MYLK3: variants seen among roughly 807,000 people sequenced by gnomAD.
The protein encoded by MYLK3 is myosin light chain kinase 3.
Under a neutral mutation model 76.3 loss-of-function variants are expected in MYLK3, and 55 were observed. The observed-to-expected ratio is 0.72, with a 90% confidence interval of 0.58 to 0.90. The LOEUF (loss-of-function observed/expected upper bound fraction) is 0.90. MYLK3 is among the 40% of genes least tolerant of loss of function. The pLI is 0.00. For synonymous variants in MYLK3, 416 were observed against 425.4 expected (o/e 0.98, Z 0.27); for missense variants, 973 against 1,053.6 (o/e 0.92, Z 1.06).
Position 46,712,737 on chromosome 16 carries a change from A to G in MYLK3, c.2025T>C (p.Thr675=). ...PREKLKVNFG[T]PEFLAPEVVN... ...CGACTTCTGGGGCCAGGAACTCAGG[A>G]GTGCCGAAGTTCACCTTCAGCTTCT... The change falls in exon 10 of 13, where the codon ACT becomes ACC. Residue 675 remains threonine (T), a synonymous_variant. Transcript: ENST00000394809. 6.3e-7 allele frequency: 1 copy of G among 1,599,358 alleles called. No individual in the cohort carries two copies. The highest frequency in any genetic ancestry group is 1.1e-5 in the South Asian group (1 of 89,188).
chr16:46,755,549 C>T (rs188886286), intron 1 of MYLK3, among the ~76,000 whole-genome samples: 2 of 151,952 alleles, frequency 1.3e-5, no homozygotes, highest in Non-Finnish European at 2.9e-5. Flanking sequence ...GGAACCCTCC[C>T]GGGGGAAAAA....
At chr16:46,722,446 CAGA>C (rs1966808781) in intron 8 of MYLK3, among the ~76,000 whole-genome samples, 1 of 152,152 alleles carries the variant, frequency 6.6e-6, no homozygotes, top group Non-Finnish European at 1.5e-5. Flanking sequence ...TTTCTCCCAA[CAGA>C]AGTTTTCATT....
intron 11 of MYLK3, among the ~76,000 whole-genome samples, chr16:46,709,931 G>C (rs1966666275): frequency 6.6e-6 from 1 of 152,182 alleles, no homozygotes; most frequent in Non-Finnish European, 1.5e-5. Flanking sequence ...TTCCCAGAGG[G>C]GGCTGAGAAG....
upstream of MYLK3, among the ~76,000 whole-genome samples, chr16:46,749,898 A>G (rs1359305066): frequency 1.3e-5 from 2 of 152,176 alleles, no homozygotes; most frequent in Non-Finnish European, 2.9e-5. Flanking sequence ...GAGAAATCCA[A>G]ACCCATTCCT....
At chr16:46,755,537 C>A (rs1360205530) in intron 1 of MYLK3, among the ~76,000 whole-genome samples, 1 of 151,290 alleles carries the variant, frequency 6.6e-6, no homozygotes, top group Middle Eastern at 3.2e-3. Flanking sequence ...GAGTGTTCAA[C>A]AGGAACCCTC....
intron 9 of MYLK3, among the ~76,000 whole-genome samples, chr16:46,714,482 G>T (rs562031637): frequency 5.9e-5 from 9 of 152,184 alleles, no homozygotes; most frequent in East Asian, 1.9e-4. Flanking sequence ...ACTGGGCCTC[G>T]GGGGGCAAGC....
At chr16:46,760,052 G>C (rs1967256397) in intron 1 of MYLK3, among the ~76,000 whole-genome samples, 1 of 152,210 alleles carries the variant, frequency 6.6e-6, no homozygotes, top group Non-Finnish European at 1.5e-5. Flanking sequence ...GCTTAAGTTG[G>C]AACCAGGACA....
At chr16:46,757,590 A>G in intron 1 of MYLK3, 1 of 985,426 alleles carries the variant, frequency 1.0e-6, no homozygotes, top group Non-Finnish European at 1.2e-6. Flanking sequence ...AGCGCTGGGA[A>G]TGAGGTGGGC....
rs1321061058 is a variant in MYLK3, at chr16:46,758,411, C to T, written c.-114+4629G>A. Among the ~76,000 whole-genome samples, 15 of 152,288 alleles carry T rather than the reference C, an allele frequency of 9.8e-5. No homozygotes were observed. In the East Asian group the frequency reaches 1.5e-3, roughly 16 times the overall value. On this transcript the variant is annotated intron_variant, in intron 1 of 11. Transcript: ENST00000536476. ...AGAGACAGGGCTGTCGGCTTCTGTA[C>T]GCACTCACAGCCCCTGCGCTGAGCG...
At chr16:46,739,943 A>G in intron 2 of MYLK3, 114 bp downstream of exon 2, 1 of 745,944 alleles carries the variant, frequency 1.3e-6, no homozygotes, top group Non-Finnish European at 2.2e-6. Context: ...AAACAAGAAA[A>G]AAAGAAGCTT....
At chr16:46,759,949 A>G (rs1182661943) in intron 1 of MYLK3, among the ~76,000 whole-genome samples, 1 of 152,204 alleles carries the variant, frequency 6.6e-6, no homozygotes, top group Non-Finnish European at 1.5e-5. Context: ...CACATGCTCT[A>G]ATCTCACTGA....
intron 1 of MYLK3, among the ~76,000 whole-genome samples, chr16:46,754,406 T>C (rs1337594097): frequency 6.6e-6 from 1 of 152,184 alleles, no homozygotes; most frequent in African/African-American, 2.4e-5. Flanking sequence ...AGGTAAGGCC[T>C]TTAAGAAGCA....
intron 1 of MYLK3, among the ~76,000 whole-genome samples, chr16:46,754,994 T>C (rs1299553381): frequency 1.3e-5 from 2 of 151,880 alleles, no homozygotes; most frequent in African/African-American, 4.8e-5. Flanking sequence ...CCTCCTGGAC[T>C]CAAGCAGTCT....
chr16:46,751,386 G>A (rs2143017664), upstream of MYLK3, among the ~76,000 whole-genome samples: 1 of 152,098 alleles, frequency 6.6e-6, no homozygotes, highest in East Asian at 1.9e-4. Flanking sequence ...CAGCCTGGGT[G>A]ACAGAGCAAG....
upstream of MYLK3, among the ~76,000 whole-genome samples, chr16:46,749,803 A>G (rs1306559112): frequency 1.3e-5 from 2 of 152,228 alleles, no homozygotes; most frequent in Non-Finnish European, 2.9e-5. Context: ...CTATCAATGC[A>G]GTGAGCTTGC....
chr16:46,735,567 C>T (rs1021265224), intron 3 of MYLK3, among the ~76,000 whole-genome samples: 4 of 152,166 alleles, frequency 2.6e-5, no homozygotes, highest in African/African-American at 4.8e-5. Context: ...CTGAAGGCCC[C>T]GTCCCCGTGT....
At chr16:46,728,962 T>C in intron 7 of MYLK3, 62 bp downstream of exon 7, 1 of 1,243,542 alleles carries the variant, frequency 8.0e-7, no homozygotes, top group South Asian at 1.2e-5. Flanking sequence ...GAATGAAGGC[T>C]CTAAGCCCCA....
intron 8 of MYLK3, chr16:46,725,908 C>G (rs1031449361): frequency 6.6e-6 from 1 of 152,188 alleles, no homozygotes; most frequent in Non-Finnish European, 1.5e-5. Flanking sequence ...CTTGCCTAAG[C>G]CAATGTCTAG....
Position 46,722,357 on chromosome 16 carries a change from C to T in MYLK3, c.1915-1164G>A, listed in dbSNP as rs557584097. ...GGAGTAATAACCTCTTCCTGTCTGT[C>T]CCCCCAGAGGGTGTGAGGATAAAAT... On this transcript the variant is annotated intron_variant, in intron 8 of 12. Coordinates refer to ENST00000394809, the MANE Select transcript of MYLK3 (RefSeq NM_182493.3). Among the ~76,000 whole-genome samples the T allele has an allele frequency of 2.7e-5, 4 of 149,106 alleles. No homozygotes were observed. In the East Asian group the frequency reaches 7.7e-4, roughly 29 times the overall value.
Sources: allele counts gnomAD v4.1 joint callset (sites outside exome capture counted in the v4.1 genomes callset), GRCh38; gene constraint gnomAD v4.1.1; transcripts MANE v1.5; gene names NCBI Gene and HGNC (gene_info 2026-07-23, HGNC 2026-07-21).